GPSM1: variants seen among roughly 807,000 people sequenced by gnomAD.
GPSM1 encodes the protein G protein signaling modulator 1.
In GPSM1, 48 loss-of-function variants were observed where a neutral mutation model predicts 70.5. The observed-to-expected ratio is 0.68, with a 90% CI of 0.54 to 0.87. GPSM1 has a LOEUF of 0.87. GPSM1 is among the 40% of genes least tolerant of loss of function. The pLI is 0.00. For missense variants in GPSM1, 981 were observed against 972.6 expected (o/e 1.01, Z -0.11); for synonymous variants, 416 against 430.1 (o/e 0.97, Z 0.41).
chr9:136,334,654 C>T lies in GPSM1; in HGVS notation c.276C>T (p.Asp92=), dbSNP rs141401996. 74 of 1,611,196 alleles carry T rather than the reference C, an allele frequency of 4.6e-5. No individual in the cohort carries two copies. The Middle Eastern group carries it at 1.3e-3, about 28-fold the overall frequency. ...GGGCGCTGGAATACCACAAGCATGA[C>T]CTCCTGCTGGCGCGGTGAGTGGGGA... ...HGRALEYHKH[D]LLLARTIGDR... is the part of the protein sequence containing the mutation. Residue 92 remains aspartate, a synonymous_variant, in exon 2 of 14, where the codon GAC becomes GAT. Transcript: ENST00000440944.
chr9:136,353,942 T>G (rs1363067088), intron 11 of GPSM1, among the ~76,000 whole-genome samples: 1 of 152,198 alleles, frequency 6.6e-6, no homozygotes, highest in Non-Finnish European at 1.5e-5. Flanking sequence ...CAAGTGGATG[T>G]GGCCCTCCCC....
intron 9 of GPSM1, among the ~76,000 whole-genome samples, chr9:136,346,657 A>C (rs1554771312): frequency 6.6e-6 from 1 of 152,194 alleles, no homozygotes; most frequent in African/African-American, 2.4e-5. Flanking sequence ...GCCTGTTCTC[A>C]TCCGCAGCAT....
rs782116136 is a variant in GPSM1 at position 136,356,382 on chromosome 9, C to A, written c.1653C>A (p.Phe551Leu). 12 of 1,608,312 alleles carry A rather than the reference C, an allele frequency of 7.5e-6. No individual in the cohort carries two copies. Among genetic ancestry groups the A allele is most frequent in the South Asian group, 1.1e-5 (1 of 90,830 alleles). The change falls in exon 13 of 14, where the codon TTC becomes TTA. Residue 551 changes from phenylalanine (F) to leucine (L), a missense_variant. Transcript: ENST00000440944. The stretch of plus-strand genomic sequence containing the variant: ...CGGCCTCGCCCCAGACCGAGGAATT[C>A]TTCGACCTCATCGCCAGCTCCCAGA... ...SMTASPQTEE[F>L]FDLIASSQSR...
chr9:136,344,395 G>A (rs1214068544), intron 9 of GPSM1, among the ~76,000 whole-genome samples: 1 of 152,214 alleles, frequency 6.6e-6, no homozygotes, highest in Non-Finnish European at 1.5e-5. Context: ...GGCTCTGGAG[G>A]CCAGAAGGCC....
intron 10 of GPSM1, 95 bp downstream of exon 10, chr9:136,348,862 C>T (rs1832589413): frequency 1.1e-6 from 1 of 915,964 alleles, no homozygotes. Flanking sequence ...CCACCTCAGC[C>T]CCTGTCTGCT....
rs782641221 is a variant in GPSM1 at position 136,356,401 on chromosome 9, T to A, written c.1672T>A (p.Ser558Thr). 5.0e-6 allele frequency: 8 copies of A among 1,609,242 alleles called. No individual in the cohort carries two copies. The highest frequency in any genetic ancestry group is 1.3e-5 in the African/African-American group (1 of 74,642). The change falls in exon 13 of 14, where the codon TCC becomes ACC. Residue 558 changes from serine to threonine, a missense_variant. Ser to Thr is a moderately conservative substitution (Grantham distance 58). Transcript: ENST00000440944. ...GGAATTCTTCGACCTCATCGCCAGCTCCCAGAGCCGCCGGCTGGACGACCA... is the reference window on the plus strand; with the variant it reads ...GGAATTCTTCGACCTCATCGCCAGCACCCAGAGCCGCCGGCTGGACGACCA... ...TEEFFDLIAS[S>T]QSRRLDDQRA...
At chr9:136,339,591 C>T (rs543432154) in intron 7 of GPSM1, 116 bp from the exon 8 acceptor site, 10 of 691,708 alleles carry the variant, frequency 1.4e-5, no homozygotes, top group Non-Finnish European at 7.5e-6. Context: ...GGCCTGGGGG[C>T]CCCTGATGAC....
chr9:136,351,954 A>AGTGGCCGC (rs1832674612), intron 11 of GPSM1, among the ~76,000 whole-genome samples: 1 of 151,316 alleles, frequency 6.6e-6, no homozygotes, highest in African/African-American at 2.4e-5. Context: ...CTGGGGCGTC[A>AGTGGCCGC]GTGGCCGGGT....
intron 11 of GPSM1, among the ~76,000 whole-genome samples, chr9:136,350,576 G>A (rs1832635283): frequency 6.6e-6 from 1 of 152,202 alleles, no homozygotes; most frequent in African/African-American, 2.4e-5. Flanking sequence ...GATGCAGCTG[G>A]GTGGCCTGTG....
chr9:136,348,820 C>T (rs1832588282), intron 10 of GPSM1, 53 bp downstream of exon 10: 12 of 1,412,362 alleles, frequency 8.5e-6, no homozygotes, highest in South Asian at 1.2e-5. Flanking sequence ...AGAGCATGGG[C>T]AGCGGGGTTA....
chr9:136,354,045 G>C (rs907086938), intron 11 of GPSM1, among the ~76,000 whole-genome samples: 1 of 152,176 alleles, frequency 6.6e-6, no homozygotes, highest in Non-Finnish European at 1.5e-5. Context: ...CAGGAGGAGA[G>C]CCCTGCGGGG....
chr9:136,355,678 C>T lies in GPSM1; in HGVS notation c.1456-12C>T. 6.2e-7 allele frequency: 1 copy of T among 1,610,544 alleles called. No homozygotes were observed. The highest frequency in any genetic ancestry group is 8.5e-7 in the Non-Finnish European group (1 of 1,178,478). On this transcript the variant is annotated splice_polypyrimidine_tract_variant and intron_variant, in intron 11 of 13. Transcript: ENST00000440944. ...GCTAGCTTTGGCTGCGGTGACCCCA[C>T]TCCCTCCCCAGAGCATCCCGAGGGC... is the stretch of plus-strand genomic sequence containing the variant.
At chr9:136,349,486 C>A in intron 10 of GPSM1, 101 bp from the exon 11 acceptor site, 1 of 1,046,958 alleles carries the variant, frequency 9.6e-7, no homozygotes, top group Non-Finnish European at 1.4e-6. Context: ...CTACGGCGTG[C>A]ATCCATGAAA....
At chr9:136,329,468 A>G (rs1564338847) in intron 1 of GPSM1, among the ~76,000 whole-genome samples, 1 of 152,204 alleles carries the variant, frequency 6.6e-6, no homozygotes, top group Admixed American at 6.5e-5. Context: ...AAGACACGGA[A>G]AAGTCTCCTG....
chr9:136,349,860 G>A (rs1446009459), intron 11 of GPSM1, 97 bp downstream of exon 11: 68 of 1,187,514 alleles, frequency 5.7e-5, no homozygotes, highest in Non-Finnish European at 6.8e-5. Flanking sequence ...GGTCAGGCCC[G>A]GGCACTCCGG....
intron 13 of GPSM1, among the ~76,000 whole-genome samples, chr9:136,357,342 C>A (rs1554773386): frequency 6.6e-6 from 1 of 152,198 alleles, no homozygotes; most frequent in African/African-American, 2.4e-5. Context: ...AGAGAGGAAA[C>A]CTCGGCCCGG....
intron 11 of GPSM1, among the ~76,000 whole-genome samples, chr9:136,352,271 TGTTGGTGA>T (rs1832691734): frequency 7.6e-6 from 1 of 130,968 alleles, no homozygotes; most frequent in Non-Finnish European, 1.6e-5. Flanking sequence ...GCGCCGTTGC[TGTTGGTGA>T]CACCGATGCT....
intron 9 of GPSM1, among the ~76,000 whole-genome samples, chr9:136,347,852 T>C (rs1380583394): frequency 2.6e-5 from 4 of 152,058 alleles, no homozygotes; most frequent in Non-Finnish European, 4.4e-5. Flanking sequence ...AACTCCCAAA[T>C]CCTTTCGGGC....
intron 9 of GPSM1, among the ~76,000 whole-genome samples, chr9:136,348,103 G>A (rs1832566648): frequency 6.6e-6 from 1 of 152,190 alleles, no homozygotes; most frequent in Admixed American, 6.5e-5. Context: ...TCCCTTGGGT[G>A]GAGACACGGC....
Sources: gnomAD v4.1 joint callset for allele counts (sites outside exome capture counted in the v4.1 genomes callset) on GRCh38, gnomAD v4.1.1 for gene constraint, MANE v1.5 for transcripts, NCBI Gene and HGNC (gene_info 2026-07-23, HGNC 2026-07-21) for gene names.